The following SIK2 variants were observed in gnomAD, a reference collection of about 807,000 sequenced individuals.
The protein encoded by SIK2 is serine/threonine-protein kinase SIK2.
SIK2 carries 29 observed loss-of-function variants against 103.2 expected under a neutral mutation model. The observed-to-expected ratio is 0.28, with a 90% CI of 0.21 to 0.38. The LOEUF (loss-of-function observed/expected upper bound fraction) is 0.38, where lower values mean the gene tolerates loss of function less well. Ranked by LOEUF, SIK2 falls within the 10% of genes least tolerant of loss-of-function variation. The probability of loss-of-function intolerance (pLI) is 1.00; values close to 1 mark genes in which losing one functional copy is unlikely to be tolerated. For synonymous variants in SIK2, 412 were observed against 446.1 expected (o/e 0.92, Z 0.96); for missense variants, 879 against 1,171.0 (o/e 0.75, Z 3.64).
At chr11:111,658,198 T>C (rs1942419921) in intron 3 of SIK2, among the ~76,000 whole-genome samples, 1 of 151,908 alleles carries the variant, frequency 6.6e-6, no homozygotes, top group Non-Finnish European at 1.5e-5. Flanking sequence ...TGAGCTCGGC[T>C]CACTGCAACC....
chr11:111,727,041 A>T lies in SIK2; in HGVS notation c.*2912A>T. Reference sequence around the variant, plus strand: ...AAGTGTGTCTCTAGTATCTCCACGCAACTGATACACTGGTCCCTGTAAGGC... The same window carrying T: ...AAGTGTGTCTCTAGTATCTCCACGCTACTGATACACTGGTCCCTGTAAGGC... On this transcript the variant is annotated 3_prime_UTR_variant, in exon 15 of 15. Coordinates refer to ENST00000304987, the MANE Select transcript of SIK2 (RefSeq NM_015191.3). The T allele has an allele frequency of 6.2e-7, 1 of 1,614,098 alleles. No homozygotes were observed. The highest frequency in any genetic ancestry group is 8.5e-7 in the Non-Finnish European group (1 of 1,179,990).
chr11:111,684,552 A>G (rs531454338), intron 3 of SIK2, among the ~76,000 whole-genome samples: 26 of 152,362 alleles, frequency 1.7e-4, no homozygotes, highest in Non-Finnish European at 2.9e-4. Flanking sequence ...GAGAGATATT[A>G]TTAACTACTC....
intron 2 of SIK2, 146 bp from the exon 3 acceptor site, chr11:111,620,193 T>C (rs746877182): frequency 4.8e-6 from 3 of 630,086 alleles, no homozygotes; most frequent in Non-Finnish European, 5.6e-6. Context: ...AGAAGGATAT[T>C]GTCAGGCTTA....
At chr11:111,686,527 A>C (rs935691874) in intron 3 of SIK2, among the ~76,000 whole-genome samples, 4 of 152,200 alleles carry the variant, frequency 2.6e-5, no homozygotes, top group African/African-American at 9.7e-5. Flanking sequence ...GCTAGTAAAC[A>C]CTAGAGCAGA....
intron 3 of SIK2, among the ~76,000 whole-genome samples, chr11:111,661,648 T>A (rs1942468778): frequency 6.6e-6 from 1 of 152,238 alleles, no homozygotes; most frequent in Admixed American, 6.5e-5. Context: ...TACCTGAGAC[T>A]GGGTAATTTA....
At chr11:111,723,407 C>A (rs1943864377) in intron 14 of SIK2, 89 bp from the exon 15 acceptor site, 1 of 1,378,390 alleles carries the variant, frequency 7.3e-7, no homozygotes, top group African/African-American at 1.4e-5. Context: ...AAGTAGAAGA[C>A]TGAAGCTAGT....
In SIK2 at chr11:111,730,828, TAA is replaced by T. The variant is rs2136006125; in HGVS notation, c.*6702_*6703del. The T allele has an allele frequency of 6.6e-6, 1 of 152,320 alleles. No homozygotes were observed. The highest frequency in any genetic ancestry group is 2.1e-4 in the South Asian group (1 of 4,828). 9.4% of individuals were successfully genotyped at this position (152,320 alleles called of 1,614,324 possible). On this transcript the variant is annotated 3_prime_UTR_variant, in exon 15 of 15. Transcript: ENST00000304987. The stretch of plus-strand genomic sequence containing the variant: ...TTTTATGTTTCCAACCCTCTTGAAT[TAA>T]AATAAAAACAACTTCTTTTCTAAGA...
At chr11:111,643,780 T>C (rs1298845606) in intron 3 of SIK2, among the ~76,000 whole-genome samples, 1 of 150,132 alleles carries the variant, frequency 6.7e-6, no homozygotes, top group African/African-American at 2.5e-5. Context: ...ACCATTGCAC[T>C]CAAGCCTGGG....
chr11:111,615,748 G>T (rs965312937), intron 1 of SIK2, among the ~76,000 whole-genome samples: 1 of 152,144 alleles, frequency 6.6e-6, no homozygotes, highest in African/African-American at 2.4e-5. Flanking sequence ...ATTTTCTCAT[G>T]TAATGAGTTT....
At position 111,722,520 on chromosome 11, in the gene SIK2, C is replaced by G; in HGVS notation, c.2056-145C>G. On this transcript the variant is annotated intron_variant, in intron 13 of 14. Transcript: ENST00000304987. This position sits in a 1 kb window ranked among gnomAD's most constrained non-coding sequence, Gnocchi z 4.4. Reference sequence around the variant, plus strand: ...TGCGGGCCCGATGCTCTTTCAGGGTCTCAGGGAGTAAATGTCAGTCCCTTC... The same window carrying G: ...TGCGGGCCCGATGCTCTTTCAGGGTGTCAGGGAGTAAATGTCAGTCCCTTC... The G allele has an allele frequency of 1.3e-6, 1 of 751,544 alleles. No individual in the cohort carries two copies. The highest frequency in any genetic ancestry group is 1.8e-5 in the South Asian group (1 of 54,954). 46.6% of individuals were successfully genotyped at this position (751,544 alleles called of 1,614,324 possible). A position where few individuals can be genotyped will look rare whatever the true frequency, so the allele number is the denominator to read the frequency against.
Position 111,720,827 on chromosome 11 carries a change from G to C in SIK2, c.1780+65G>C. On this transcript the variant is annotated intron_variant, in intron 11 of 14. Transcript: ENST00000304987. ...AGGAGAGCAGTTTCTTGCCATGTTG[G>C]TGTGGTCACCTGTGGTCACTGAAAG... 4 of 1,577,736 alleles carry C rather than the reference G, an allele frequency of 2.5e-6. No individual in the cohort carries two copies. In the South Asian group the frequency reaches 4.8e-5, roughly 19 times the overall value.
At chr11:111,715,725 TC>T (rs1943620389) in intron 9 of SIK2, among the ~76,000 whole-genome samples, 1 of 151,824 alleles carries the variant, frequency 6.6e-6, no homozygotes, top group African/African-American at 2.4e-5. Context: ...TAAATCTACT[TC>T]AAGTATCTCT....
intron 3 of SIK2, among the ~76,000 whole-genome samples, chr11:111,680,832 A>G (rs1302721931): frequency 6.6e-6 from 1 of 152,254 alleles, no homozygotes; most frequent in Admixed American, 6.5e-5. Flanking sequence ...TATGAAATGT[A>G]CTTATCTATA....
chr11:111,645,644 A>C (rs1942245360), intron 3 of SIK2, among the ~76,000 whole-genome samples: 1 of 152,070 alleles, frequency 6.6e-6, no homozygotes, highest in Non-Finnish European at 1.5e-5. Context: ...AACGTGGAGA[A>C]ACCAAATCTC....
chr11:111,624,160 G>A lies in SIK2; in HGVS notation c.316+3758G>A, dbSNP rs189183924. Among the ~76,000 whole-genome samples, 10 of 152,232 alleles carry A rather than the reference G, an allele frequency of 6.6e-5. No homozygotes were observed. The East Asian group carries it at 1.9e-3, about 29-fold the overall frequency. ...CCTTTCAAATGTGTTATTAATTTAA[G>A]GTATTTTAAAGAGAAAGAACCATAT... is the stretch of plus-strand genomic sequence containing the variant. On this transcript the variant is annotated intron_variant, in intron 3 of 14. Coordinates refer to ENST00000304987, the MANE Select transcript of SIK2 (RefSeq NM_015191.3).
chr11:111,608,515 C>CAA (rs1941677425), intron 1 of SIK2, among the ~76,000 whole-genome samples: 1 of 152,084 alleles, frequency 6.6e-6, no homozygotes, highest in Non-Finnish European at 1.5e-5. Flanking sequence ...TCATCTTCTT[C>CAA]TAGTTATTCA....
rs2135925144 is a variant in SIK2 at position 111,701,930 on chromosome 11, T to A, written c.727+355T>A. ...GAACTTTATAAAATTAAAATTTTTTTAATTAAATAAAAAGCCAAACTGGCA... is the reference window on the plus strand; with the variant it reads ...GAACTTTATAAAATTAAAATTTTTTAAATTAAATAAAAAGCCAAACTGGCA... On this transcript the variant is annotated intron_variant, in intron 6 of 14. Coordinates refer to ENST00000304987, the MANE Select transcript of SIK2 (RefSeq NM_015191.3). This position sits in a 1 kb window ranked among gnomAD's most constrained non-coding sequence, Gnocchi z 4.2. Among the ~76,000 whole-genome samples, 1 of 152,346 alleles carries A rather than the reference T, an allele frequency of 6.6e-6. No individual in the cohort carries two copies. Among genetic ancestry groups the A allele is most frequent in the South Asian group, 2.1e-4 (1 of 4,824 alleles).
chr11:111,726,962 G>GTAT lies in SIK2; in HGVS notation c.*2836_*2838dup. Reference sequence around the variant, plus strand: ...TTTATGTTCTTTTTTTAAATCTGGGGTATTAGTCTGTGCTTTGGGAGAAAT... The same window carrying GTAT: ...TTTATGTTCTTTTTTTAAATCTGGGGTATTATTAGTCTGTGCTTTGGGAGAAAT... On this transcript the variant is annotated 3_prime_UTR_variant, in exon 15 of 15. Coordinates refer to ENST00000304987, the MANE Select transcript of SIK2 (RefSeq NM_015191.3). 1 of 1,612,976 alleles carries GTAT rather than the reference G, an allele frequency of 6.2e-7. No individual in the cohort carries two copies. Among genetic ancestry groups the GTAT allele is most frequent in the Non-Finnish European group, 8.5e-7 (1 of 1,178,986 alleles).
chr11:111,729,698 G>C lies in SIK2; in HGVS notation c.*5569G>C, dbSNP rs1422423281. 1 of 152,280 alleles carries C rather than the reference G, an allele frequency of 6.6e-6. No homozygotes were observed. The highest frequency in any genetic ancestry group is 1.5e-5 in the Non-Finnish European group (1 of 68,070). 9.4% of individuals were successfully genotyped at this position (152,280 alleles called of 1,614,324 possible). A position where few individuals can be genotyped will look rare whatever the true frequency, so the allele number is the denominator to read the frequency against. ...AAAGCCCCCATTTTGGTCAAGCACA[G>C]GGTGAATGTGATATTGTTCCCACAA... is the stretch of plus-strand genomic sequence containing the variant. On this transcript the variant is annotated 3_prime_UTR_variant, in exon 15 of 15. Coordinates refer to ENST00000304987, the MANE Select transcript of SIK2 (RefSeq NM_015191.3).
Sources: allele counts gnomAD v4.1 joint callset (sites outside exome capture counted in the v4.1 genomes callset), GRCh38; gene constraint gnomAD v4.1.1; non-coding constraint Gnocchi (gnomAD v3.1); transcripts MANE v1.5; gene names NCBI Gene and HGNC (gene_info 2026-07-23, HGNC 2026-07-21).